Variants in DLG2 observed in about 807,000 individuals in gnomAD.
DLG2 encodes discs large MAGUK scaffold protein 2, also known as disks large homolog 2.
In DLG2, 45 loss-of-function variants were observed where a neutral mutation model predicts 132.5. The observed-to-expected ratio is 0.34, with a 90% CI of 0.27 to 0.44. The LOEUF is 0.44. Ranked by LOEUF, DLG2 falls within the 20% of genes least tolerant of loss-of-function variation. The pLI is 1.00. For missense variants in DLG2, 1,045 were observed against 1,196.9 expected (o/e 0.87, Z 1.87); for synonymous variants, 424 against 419.6 (o/e 1.01, Z -0.13).
intron 15 of DLG2, among the ~76,000 whole-genome samples, chr11:83,875,462 G>A (rs2064528153): frequency 6.6e-6 from 1 of 152,066 alleles, no homozygotes; most frequent in South Asian, 2.1e-4. Context: ...AAATGGCATT[G>A]AGACTGTTTG....
chr11:84,247,461 A>T lies in DLG2; in HGVS notation c.573+3777T>A, dbSNP rs542872783. Among the ~76,000 whole-genome samples the T allele has an allele frequency of 2.6e-5, 4 of 152,302 alleles. No homozygotes were observed. The South Asian group carries it at 8.3e-4, about 32-fold the overall frequency. ...GAGCAAAAAATAGAAACTAGAGAGT[A>T]TTGAAGTGGAAAAATATCTTTCCTT... On this transcript the variant is annotated intron_variant, in intron 8 of 27. Transcript: ENST00000376104.
At position 84,794,498 on chromosome 11, in the gene DLG2, A is replaced by G. The variant is rs146229380; in HGVS notation, c.358-259767T>C. On this transcript the variant is annotated intron_variant, in intron 6 of 27. Transcript: ENST00000376104. Reference sequence around the variant, plus strand: ...CTGGGTGCAGCTGCAGCCACCCAGCAATGGTTCAACACCTGGGCATCCCTG... The same window carrying G: ...CTGGGTGCAGCTGCAGCCACCCAGCGATGGTTCAACACCTGGGCATCCCTG... Among the ~76,000 whole-genome samples the G allele has an allele frequency of 1.8e-4, 28 of 152,142 alleles. No individual in the cohort carries two copies. In the East Asian group the frequency reaches 4.1e-3, roughly 22 times the overall value.
At chr11:84,839,627 T>G (rs568165907) in intron 6 of DLG2, among the ~76,000 whole-genome samples, 3 of 152,130 alleles carry the variant, frequency 2.0e-5, no homozygotes, top group Admixed American at 1.3e-4. Flanking sequence ...CATAGCATGG[T>G]ACTAGTACCA....
intron 6 of DLG2, among the ~76,000 whole-genome samples, chr11:84,946,876 C>T (rs1008054367): frequency 2.6e-5 from 4 of 152,186 alleles, no homozygotes; most frequent in Admixed American, 6.5e-5. Context: ...TGGTGCTAGC[C>T]GGAACTCAGG....
chr11:84,585,632 G>T (rs1427312220), intron 6 of DLG2, among the ~76,000 whole-genome samples: 1 of 152,188 alleles, frequency 6.6e-6, no homozygotes, highest in Non-Finnish European at 1.5e-5. Context: ...TTATATCCAT[G>T]ACCATAGCAG....
intron 4 of DLG2, among the ~76,000 whole-genome samples, chr11:85,199,085 G>A (rs895709266): frequency 6.6e-5 from 10 of 152,126 alleles, no homozygotes; most frequent in African/African-American, 2.4e-4. Flanking sequence ...TGAAGTTAAA[G>A]CCTACATCCA....
chr11:83,652,009 C>A, intron 18 of DLG2: 1 of 329,236 alleles, frequency 3.0e-6, no homozygotes, highest in Non-Finnish European at 6.4e-6. Context: ...CAAATTTGGC[C>A]CTGTTAGAGA....
intron 6 of DLG2, among the ~76,000 whole-genome samples, chr11:85,022,253 G>C (rs1378177727): frequency 3.3e-5 from 5 of 151,566 alleles, no homozygotes; most frequent in Admixed American, 1.3e-4. Flanking sequence ...CAGAAAGAAT[G>C]AAACACTAAA....
rs1209698499 is a variant in DLG2 at position 85,291,671 on chromosome 11, G to A, written c.41-6306C>T. 2.7e-5 allele frequency among the ~76,000 whole-genome samples: 4 copies of A among 147,454 alleles called. 1 individual carries two copies. Among genetic ancestry groups the A allele is most frequent in the South Asian group, 4.3e-4 (2 of 4,686 alleles). On this transcript the variant is annotated intron_variant, in intron 3 of 27. Transcript: ENST00000376104. ...GCAATCTCGGCTCACTGCAATCTCC[G>A]CCTCCAGGGTTCAAGCGATTATCCT...
At chr11:84,681,031 T>C (rs770454607) in intron 6 of DLG2, among the ~76,000 whole-genome samples, 13 of 152,166 alleles carry the variant, frequency 8.5e-5, no homozygotes, top group Non-Finnish European at 1.9e-4. Context: ...GCCAACAAGA[T>C]CCATAAATAT....
At chr11:84,343,355 T>TC (rs1176813490) in intron 7 of DLG2, among the ~76,000 whole-genome samples, 1 of 152,174 alleles carries the variant, frequency 6.6e-6, no homozygotes, top group Non-Finnish European at 1.5e-5. Context: ...TTATAATATA[T>TC]CCCCCCAACC....
At chr11:84,936,038 GA>G (rs2048705739) in intron 6 of DLG2, among the ~76,000 whole-genome samples, 1 of 152,062 alleles carries the variant, frequency 6.6e-6, no homozygotes, top group Admixed American at 6.6e-5. Flanking sequence ...GTGAGGTTAG[GA>G]AATACATTTA....
At chr11:84,768,947 AT>A (rs533787045) in intron 6 of DLG2, among the ~76,000 whole-genome samples, 1 of 152,186 alleles carries the variant, frequency 6.6e-6, no homozygotes, top group Non-Finnish European at 1.5e-5. Flanking sequence ...AGAGAAAAAA[AT>A]ATATTAATAA....
At chr11:83,583,759 ATTG>A (rs1246949903) in intron 19 of DLG2, among the ~76,000 whole-genome samples, 1 of 152,214 alleles carries the variant, frequency 6.6e-6, no homozygotes, top group African/African-American at 2.4e-5. Flanking sequence ...CTATTATTTA[ATTG>A]TTGTTCAATT....
intron 6 of DLG2, among the ~76,000 whole-genome samples, chr11:84,714,559 T>G (rs11828257): frequency 1.8e-5 from 1 of 56,332 alleles, no homozygotes; most frequent in Admixed American, 2.1e-4. Flanking sequence ...TTCTCTCTCT[T>G]TCTCTTTCTC....
chr11:83,880,046 C>T (rs868815783), intron 15 of DLG2, among the ~76,000 whole-genome samples: 1 of 152,150 alleles, frequency 6.6e-6, no homozygotes, highest in South Asian at 2.1e-4. Context: ...ATGTGGTGTG[C>T]TCTGGAAACT....
chr11:85,399,211 T>C (rs2087762316), intron 3 of DLG2, among the ~76,000 whole-genome samples: 1 of 152,038 alleles, frequency 6.6e-6, no homozygotes, highest in Non-Finnish European at 1.5e-5. Flanking sequence ...TACCTAGGAA[T>C]CCAACTTCCA....
At chr11:83,521,452 G>A (rs142354161) in intron 21 of DLG2, among the ~76,000 whole-genome samples, 25 of 152,240 alleles carry the variant, frequency 1.6e-4, no homozygotes, top group African/African-American at 5.8e-4. Flanking sequence ...GGTTATTCCA[G>A]TATCATGTAT....
At chr11:83,672,278 G>C (rs1397894015) in intron 18 of DLG2, among the ~76,000 whole-genome samples, 1 of 151,900 alleles carries the variant, frequency 6.6e-6, no homozygotes, top group Non-Finnish European at 1.5e-5. Flanking sequence ...TCTGCCTCCC[G>C]GGTTCAAGTG....
Sources: allele counts gnomAD v4.1 joint callset (sites outside exome capture counted in the v4.1 genomes callset), GRCh38; gene constraint gnomAD v4.1.1; transcripts MANE v1.5; gene names NCBI Gene and HGNC (gene_info 2026-07-23, HGNC 2026-07-21).